The following MAGEA11 variants were observed in gnomAD, a reference collection of about 807,000 sequenced individuals.
MAGEA11 encodes melanoma-associated antigen 11.
Under a neutral mutation model 8.4 loss-of-function variants are expected in MAGEA11, and 1 was observed. The observed-to-expected ratio is 0.12, with a 90% confidence interval of 0.04 to 0.57. MAGEA11 has a LOEUF of 0.57. Ranked by LOEUF, MAGEA11 falls within the 20% of genes least tolerant of loss-of-function variation. The pLI, the probability that MAGEA11 is intolerant of heterozygous loss-of-function variation, is 0.91. For missense variants in MAGEA11, 209 were observed against 317.3 expected (o/e 0.66, Z 2.59); for synonymous variants, 127 against 119.3 (o/e 1.06, Z -0.42).
At chrX:149,689,801 C>T (rs2090302745) in intron 1 of MAGEA11, among the ~76,000 whole-genome samples, 1 of 112,808 alleles carries the variant, frequency 8.9e-6, no homozygotes, top group Admixed American at 9.3e-5. Flanking sequence ...TTATCATCAG[C>T]ATACCTCACC....
At chrX:149,712,794 G>T (rs2055912759) in intron 1 of MAGEA11, among the ~76,000 whole-genome samples, 2 of 112,062 alleles carry the variant, frequency 1.8e-5, no homozygotes, top group Admixed American at 9.3e-5. Context: ...AGAGCTTGGT[G>T]TGACCAGGGC....
At chrX:149,702,004 G>A (rs1013861894) in intron 1 of MAGEA11, among the ~76,000 whole-genome samples, 5 of 112,078 alleles carry the variant, frequency 4.5e-5, no homozygotes. Context: ...GTAGCATGAT[G>A]TTAATTTCAT....
upstream of MAGEA11, chrX:149,688,717 C>T (rs868938826): frequency 5.9e-5 from 12 of 201,893 alleles, no homozygotes; most frequent in South Asian, 1.0e-4. Flanking sequence ...TACACATACA[C>T]ATACATATAC....
At chrX:149,711,624 C>T (rs1283874115), upstream of MAGEA11, 180 of 113,230 alleles carry the variant, frequency 1.6e-3, no homozygotes, top group Non-Finnish European at 1.9e-3. Context: ...AAGAGGAGGA[C>T]CCTCCTGAGT....
chrX:149,700,078 G>A (rs1557360862), intron 1 of MAGEA11, among the ~76,000 whole-genome samples: 2 of 112,498 alleles, frequency 1.8e-5, no homozygotes, highest in African/African-American at 6.5e-5. Flanking sequence ...CATCCCACAT[G>A]GTCCTTCCCC....
In MAGEA11 at chrX:149,697,131, CT is replaced by C. The variant is rs1315136304; in HGVS notation, c.9+8150del. Reference sequence around the variant, plus strand: ...TCCCCACACCTGAAATCCTAAGACCCTTTCCTGACCCCACATCCTCTGCAGA... The same window carrying C: ...TCCCCACACCTGAAATCCTAAGACCCTTCCTGACCCCACATCCTCTGCAGA... On this transcript the variant is annotated intron_variant, in intron 1 of 3. Transcript: ENST00000333104. Among the ~76,000 whole-genome samples, 7 of 110,631 alleles carry C rather than the reference CT, an allele frequency of 6.3e-5. No individual in the cohort carries two copies. The South Asian group carries it at 1.2e-3, about 19-fold the overall frequency.
intron 1 of MAGEA11, among the ~76,000 whole-genome samples, chrX:149,692,075 A>G (rs1557360187): frequency 8.9e-6 from 1 of 112,514 alleles, no homozygotes; most frequent in Non-Finnish European, 1.9e-5. Context: ...ATGTGCATGC[A>G]GAAGCAAGGC....
chrX:149,689,616 A>T (rs1351324443), intron 1 of MAGEA11, among the ~76,000 whole-genome samples: 2 of 112,172 alleles, frequency 1.8e-5, no homozygotes, highest in African/African-American at 6.5e-5. Context: ...AACACTGGGG[A>T]TGCCCCTGCA....
intron 1 of MAGEA11, among the ~76,000 whole-genome samples, chrX:149,694,600 T>A (rs2090322960): frequency 8.9e-6 from 1 of 112,668 alleles, no homozygotes; most frequent in African/African-American, 3.2e-5. Context: ...CTGCAAAAAA[T>A]CTATTTCGAA....
In MAGEA11 at chrX:149,715,621, C is replaced by G. The variant is rs1557362361; in HGVS notation, c.210C>G (p.Ala70=). 1 of 1,208,584 alleles carries G rather than the reference C, an allele frequency of 8.3e-7. No homozygotes were observed. Among genetic ancestry groups the G allele is most frequent in the Admixed American group, 2.2e-5 (1 of 45,941 alleles). Reference sequence around the variant, plus strand: ...TTTTTCAGGTTTTTAGAGAACAGGCCAACCTGGAGGACAGGAGTCCCAGGA... The same window carrying G: ...TTTTTCAGGTTTTTAGAGAACAGGCGAACCTGGAGGACAGGAGTCCCAGGA... The part of the protein sequence containing the change: ...LPRVQVFREQ[A]NLEDRSPRRT... The change falls in exon 4 of 5, where the codon GCC becomes GCG. Residue 70 remains alanine (A), a synonymous_variant. Transcript: ENST00000355220.
chrX:149,694,557 G>T (rs1470817031), intron 1 of MAGEA11, among the ~76,000 whole-genome samples: 1 of 111,741 alleles, frequency 8.9e-6, no homozygotes, highest in African/African-American at 3.3e-5. Flanking sequence ...GAGACAACTT[G>T]CTCAATTCCT....
At chrX:149,713,564 A>G (rs2090412935) in intron 2 of MAGEA11, 1 of 234,813 alleles carries the variant, frequency 4.3e-6, no homozygotes, top group Non-Finnish European at 7.5e-6. Context: ...TCCACAGTTC[A>G]GCAGGAGAGA....
chrX:149,700,147 T>C (rs1302902965), intron 1 of MAGEA11, among the ~76,000 whole-genome samples: 2 of 112,583 alleles, frequency 1.8e-5, no homozygotes, highest in Non-Finnish European at 3.8e-5. Flanking sequence ...ATCCAAACCA[T>C]ATCAAGTCCT....
chrX:149,716,917 T>A lies in MAGEA11; in HGVS notation c.*141T>A. ...TGATGAGAGAAGTCAGTGTTCTCAG[T>A]AGTAGAAGGCACAGTGAATGGAAGG... On this transcript the variant is annotated 3_prime_UTR_variant, in exon 5 of 5. Transcript: ENST00000355220. 1.9e-6 allele frequency: 1 copy of A among 538,688 alleles called. No individual in the cohort carries two copies. Among genetic ancestry groups the A allele is most frequent in the Non-Finnish European group, 3.0e-6 (1 of 336,750 alleles). The allele number at this position is 538,688 out of a possible 1,213,427, so 44.4% of individuals were successfully genotyped here.
chrX:149,699,368 C>G (rs1557360815), intron 1 of MAGEA11, among the ~76,000 whole-genome samples: 1 of 111,527 alleles, frequency 9.0e-6, no homozygotes, highest in African/African-American at 3.3e-5. Context: ...CCTCGACTTG[C>G]TCAGTCATTG....
chrX:149,716,374 C>T lies in MAGEA11; in HGVS notation c.888C>T (p.Asn296=), dbSNP rs2090427058. The change falls in exon 5 of 5, where the codon AAC becomes AAT. Residue 296 remains asparagine (N), a synonymous_variant. Coordinates refer to ENST00000355220, the MANE Select transcript of MAGEA11 (RefSeq NM_005366.5). ...SHSYVLVTSL[N]LSYDGIQCNE... The stretch of plus-strand genomic sequence containing the variant: ...CCTATGTCCTTGTCACCTCCCTCAA[C>T]CTCTCTTATGATGGCATACAGTGTA... 2.5e-6 allele frequency: 3 copies of T among 1,211,906 alleles called. No individual in the cohort carries two copies. Among genetic ancestry groups the T allele is most frequent in the Non-Finnish European group, 3.3e-6 (3 of 895,553 alleles).
intron 1 of MAGEA11, among the ~76,000 whole-genome samples, chrX:149,703,783 A>G (rs782760018): frequency 8.9e-6 from 1 of 112,215 alleles, no homozygotes; most frequent in African/African-American, 3.2e-5. Flanking sequence ...GGGAAGGTAC[A>G]TCATGGGCAC....
At chrX:149,688,669 T>TATACAC (rs2090297124), upstream of MAGEA11, among the ~76,000 whole-genome samples, 2 of 22,814 alleles carry the variant, frequency 8.8e-5, no homozygotes, top group African/African-American at 1.3e-4. Context: ...TACATATACA[T>TATACAC]ATACATATAC....
In MAGEA11 at chrX:149,696,496, G is replaced by A. The variant is rs147895324; in HGVS notation, c.9+7512G>A. Among the ~76,000 whole-genome samples, 26 of 111,392 alleles carry A rather than the reference G, an allele frequency of 2.3e-4. No homozygotes were observed. The East Asian group carries it at 7.4e-3, about 32-fold the overall frequency. ...ATGGTTGGTTGGGGGTGCTGGTCTG[G>A]CTTATGCCCTCCACTGTGATGTACT... On this transcript the variant is annotated intron_variant, in intron 1 of 3. Transcript: ENST00000333104.
Sources: gnomAD v4.1 joint callset for allele counts (sites outside exome capture counted in the v4.1 genomes callset) on GRCh38, gnomAD v4.1.1 for gene constraint, MANE v1.5 for transcripts, NCBI Gene and HGNC (gene_info 2026-07-23, HGNC 2026-07-21) for gene names.